The following BLTP3B variants were observed in gnomAD, a reference collection of about 807,000 sequenced individuals.
BLTP3B encodes the protein UHRF1 (ICBP90) binding protein 1-like.
the BLTP3B span, chr12:100,086,347 G>A: frequency 5.2e-5 from 35 of 670,082 alleles, no homozygotes; most frequent in African/African-American, 2.3e-4. Context: ...CCAGTAATAC[G>A]TCTGTTTGAC....
the BLTP3B span, chr12:100,047,665 A>C: frequency 9.6e-6 from 14 of 1,455,704 alleles, no homozygotes; most frequent in African/African-American, 1.5e-4. Flanking sequence ...TAACATTGAC[A>C]TGTTACTTCA....
the BLTP3B span, among the ~76,000 whole-genome samples, chr12:100,118,557 A>G: frequency 6.6e-6 from 1 of 152,212 alleles, no homozygotes; most frequent in Non-Finnish European, 1.5e-5. Flanking sequence ...TAAAAGAAAT[A>G]CTAAGGAAAT....
the BLTP3B span, among the ~76,000 whole-genome samples, chr12:100,044,042 T>G: frequency 2.6e-5 from 4 of 152,228 alleles, no homozygotes. Context: ...TGGTATATGC[T>G]GTAACTCCTG....
chr12:100,142,732 G>C, the BLTP3B span: 11 of 1,515,660 alleles, frequency 7.3e-6, no homozygotes, highest in African/African-American at 1.6e-4. Flanking sequence ...CCGGCCGGCG[G>C]AGAGGCGCTG....
chr12:100,110,443 A>G, the BLTP3B span, among the ~76,000 whole-genome samples: 1 of 151,950 alleles, frequency 6.6e-6, no homozygotes. Flanking sequence ...TAGATAACAA[A>G]CAAAAAACCC....
At chr12:100,042,336 A>T in the BLTP3B span, among the ~76,000 whole-genome samples, 1 of 152,196 alleles carries the variant, frequency 6.6e-6, no homozygotes, top group Non-Finnish European at 1.5e-5. Flanking sequence ...AATCTTGAAA[A>T]GGTACAATAA....
chr12:100,046,844 C>T, the BLTP3B span, among the ~76,000 whole-genome samples: 10 of 151,988 alleles, frequency 6.6e-5, no homozygotes, highest in South Asian at 2.1e-4. Context: ...CAAATAAGAA[C>T]GTAGAGACGT....
At chr12:100,141,395 GTATA>G in the BLTP3B span, among the ~76,000 whole-genome samples, 7 of 147,438 alleles carry the variant, frequency 4.7e-5, no homozygotes, top group East Asian at 1.4e-3. Context: ...ATATGTATGT[GTATA>G]TATGTGTATA....
At chr12:100,137,152 A>C in the BLTP3B span, among the ~76,000 whole-genome samples, 1 of 152,156 alleles carries the variant, frequency 6.6e-6, no homozygotes, top group Non-Finnish European at 1.5e-5. Flanking sequence ...CACTTCTAAA[A>C]TCTTAAACTT....
At chr12:100,091,842 G>A in the BLTP3B span, among the ~76,000 whole-genome samples, 1 of 145,176 alleles carries the variant, frequency 6.9e-6, no homozygotes, top group Non-Finnish European at 1.5e-5. Flanking sequence ...GTCTTGCTCT[G>A]TCGCCCAGGA....
the BLTP3B span, among the ~76,000 whole-genome samples, chr12:100,045,637 C>T: frequency 1.6e-4 from 24 of 152,266 alleles, no homozygotes; most frequent in African/African-American, 5.3e-4. Flanking sequence ...ATTAGAAAAC[C>T]TAGGCAATAC....
the BLTP3B span, chr12:100,048,213 T>C: frequency 1.3e-6 from 2 of 1,561,628 alleles, no homozygotes; most frequent in African/African-American, 2.8e-5. Context: ...AAAATGAACA[T>C]ACAAAAATGT....
the BLTP3B span, among the ~76,000 whole-genome samples, chr12:100,142,275 T>G: frequency 1.3e-5 from 2 of 152,186 alleles, no homozygotes; most frequent in African/African-American, 2.4e-5. Context: ...CTCCGCTCAG[T>G]ACCGCACAGA....
chr12:100,128,428 A>G, the BLTP3B span, among the ~76,000 whole-genome samples: 30 of 152,300 alleles, frequency 2.0e-4, no homozygotes, highest in East Asian at 5.0e-3. Context: ...GAGGAATTAC[A>G]TGAGCCTCTA....
At chr12:100,086,882 T>C in the BLTP3B span, among the ~76,000 whole-genome samples, 1 of 152,092 alleles carries the variant, frequency 6.6e-6, no homozygotes, top group Admixed American at 6.6e-5. Flanking sequence ...AAATTAAGGC[T>C]GGGCGCGGTG....
the BLTP3B span, among the ~76,000 whole-genome samples, chr12:100,054,969 G>A: frequency 1.3e-5 from 2 of 152,228 alleles, no homozygotes; most frequent in African/African-American, 2.4e-5. Flanking sequence ...AAATTAATGT[G>A]TTTTATAGCA....
chr12:100,058,623 G>A, the BLTP3B span: 1 of 1,613,984 alleles, frequency 6.2e-7, no homozygotes, highest in Non-Finnish European at 8.5e-7. Context: ...TTCAGAAACA[G>A]GAGACTTAAG....
chr12:100,072,707 G>A, the BLTP3B span: 1 of 1,587,430 alleles, frequency 6.3e-7, no homozygotes, highest in Non-Finnish European at 8.5e-7. Flanking sequence ...GTAATATTCT[G>A]TGAATTCTAT....
At chr12:100,113,461 TA>T in the BLTP3B span, among the ~76,000 whole-genome samples, 2 of 149,892 alleles carry the variant, frequency 1.3e-5, no homozygotes, top group South Asian at 2.1e-4. Flanking sequence ...AGACTCTGTG[TA>T]AAAAAAAAAT....
Sources: allele counts gnomAD v4.1 joint callset (sites outside exome capture counted in the v4.1 genomes callset), GRCh38; gene constraint gnomAD v4.1.1; transcripts MANE v1.5; gene names NCBI Gene and HGNC (gene_info 2026-07-23, HGNC 2026-07-21).